SND1: variants seen among roughly 807,000 people sequenced by gnomAD.
SND1 encodes staphylococcal nuclease domain-containing protein 1.
A neutral mutation model predicts 121.7 loss-of-function variants in SND1; 38 were observed. That is an observed-to-expected ratio of 0.31 (90% CI 0.24 to 0.41). The LOEUF (loss-of-function observed/expected upper bound fraction) is 0.41, where lower values mean the gene tolerates loss of function less well. Ranked by LOEUF, SND1 falls within the 10% of genes least tolerant of loss-of-function variation. The probability of loss-of-function intolerance (pLI) is 1.00; values close to 1 mark genes in which losing one functional copy is unlikely to be tolerated. For synonymous variants in SND1, 401 were observed against 447.4 expected (o/e 0.90, Z 1.31); for missense variants, 868 against 1,184.6 (o/e 0.73, Z 3.92).
At position 127,698,898 on chromosome 7, in the gene SND1, G is replaced by C; in HGVS notation, c.373G>C (p.Glu125Gln). Residue 125 changes from glutamate (E) to glutamine (Q), a missense_variant, in exon 4 of 24, where the codon GAA (glutamate) becomes CAA (glutamine). Around this residue, in one of 2 missense-constraint regions of SND1, gnomAD observed 743 missense variants for 1,071.3 expected, o/e 0.69. Transcript: ENST00000354725. ...AGATACCAATGGGGAAAACATTGCA[G>C]AATCACTGGTTGCAGAGGGCTTAGC... ...GKDTNGENIA[E>Q]SLVAEGLATR... The C allele has an allele frequency of 6.2e-7, 1 of 1,613,736 alleles. No homozygotes were observed.
intron 16 of SND1, among the ~76,000 whole-genome samples, chr7:128,059,199 T>C (rs924957949): frequency 4.6e-5 from 7 of 152,192 alleles, no homozygotes; most frequent in Admixed American, 4.6e-4. Flanking sequence ...CGATCCTACC[T>C]GAAAGAGTTT....
intron 14 of SND1, among the ~76,000 whole-genome samples, chr7:127,908,043 G>A (rs1472076235): frequency 6.6e-6 from 1 of 152,124 alleles, no homozygotes; most frequent in Non-Finnish European, 1.5e-5. Context: ...TGTTATTACA[G>A]ATGGGTTTTG....
chr7:127,853,931 C>T (rs1799220662), intron 12 of SND1, among the ~76,000 whole-genome samples: 1 of 152,150 alleles, frequency 6.6e-6, no homozygotes, highest in Non-Finnish European at 1.5e-5. Flanking sequence ...GACCCTAAAG[C>T]CTACTCACTG....
rs73465826 is a variant in SND1 at position 127,860,918 on chromosome 7, G to C, written c.1343+16494G>C. ...AAAATTAAATATCCAAGAAGCCCTA[G>C]AGTTTATGGTGTTCTGTTTTGGGGG... On this transcript the variant is annotated intron_variant, in intron 12 of 23. Coordinates refer to ENST00000354725, the MANE Select transcript of SND1 (RefSeq NM_014390.4). Among the ~76,000 whole-genome samples, 475 of 152,292 alleles carry C rather than the reference G, an allele frequency of 3.1e-3. 1 individual carries two copies. The highest frequency in any genetic ancestry group is 0.01 in the African/African-American group (427 of 41,572).
intron 1 of SND1, among the ~76,000 whole-genome samples, chr7:127,665,984 A>G (rs1296438336): frequency 5.9e-5 from 9 of 152,132 alleles, no homozygotes; most frequent in East Asian, 1.9e-4. Flanking sequence ...GCCATGATCT[A>G]TTATTGTGTG....
chr7:127,942,527 C>A (rs956734471), intron 15 of SND1, among the ~76,000 whole-genome samples: 1 of 152,166 alleles, frequency 6.6e-6, no homozygotes, highest in Non-Finnish European at 1.5e-5. Context: ...TGGTTTCTAG[C>A]AGCAGGATGA....
intron 1 of SND1, among the ~76,000 whole-genome samples, chr7:127,666,585 GC>G (rs1214324080): frequency 6.6e-6 from 1 of 151,460 alleles, no homozygotes; most frequent in East Asian, 1.9e-4. Flanking sequence ...TGGAGAGAGT[GC>G]CCCCCTCAAA....
At chr7:127,864,780 C>G (rs1799438775) in intron 12 of SND1, among the ~76,000 whole-genome samples, 1 of 152,188 alleles carries the variant, frequency 6.6e-6, no homozygotes, top group Non-Finnish European at 1.5e-5. Context: ...TGCCCCTTTT[C>G]AGATGCATCT....
intron 15 of SND1, among the ~76,000 whole-genome samples, chr7:127,973,683 T>G (rs1165569828): frequency 6.6e-6 from 1 of 152,246 alleles, no homozygotes; most frequent in Non-Finnish European, 1.5e-5. Flanking sequence ...GCTCTACCTA[T>G]AGCTTTGTAC....
intron 15 of SND1, among the ~76,000 whole-genome samples, chr7:127,979,550 G>C (rs530696655): frequency 6.6e-6 from 1 of 152,204 alleles, no homozygotes; most frequent in Non-Finnish European, 1.5e-5. Flanking sequence ...TAAGAACAGA[G>C]CAGGTGACCA....
intron 15 of SND1, among the ~76,000 whole-genome samples, chr7:127,981,131 A>G (rs1387203193): frequency 3.3e-5 from 5 of 152,160 alleles, no homozygotes; most frequent in Non-Finnish European, 7.4e-5. Context: ...TGTTACATAA[A>G]AGCTTGAGCC....
At chr7:127,696,343 G>GAA (rs1796006544) in intron 3 of SND1, among the ~76,000 whole-genome samples, 2 of 152,078 alleles carry the variant, frequency 1.3e-5, no homozygotes, top group Non-Finnish European at 2.9e-5. Context: ...CCCAGAAAAC[G>GAA]GCTACCTGCT....
intron 15 of SND1, among the ~76,000 whole-genome samples, chr7:127,929,869 A>C (rs1447893636): frequency 1.3e-5 from 2 of 152,160 alleles, no homozygotes; most frequent in Non-Finnish European, 2.9e-5. Flanking sequence ...TTGTTGTGCT[A>C]AGGTTGACGT....
chr7:127,925,998 A>T (rs140086385), intron 14 of SND1, among the ~76,000 whole-genome samples: 1 of 151,716 alleles, frequency 6.6e-6, no homozygotes, highest in East Asian at 1.9e-4. Context: ...GCACATTGCT[A>T]CTTGCACTCT....
intron 16 of SND1, among the ~76,000 whole-genome samples, chr7:128,058,810 G>T (rs1235368486): frequency 1.3e-5 from 2 of 152,046 alleles, no homozygotes; most frequent in African/African-American, 4.8e-5. Flanking sequence ...TGTTGTTCAG[G>T]TTCCTCTCGT....
chr7:127,795,202 T>G (rs1797992853), intron 10 of SND1, among the ~76,000 whole-genome samples: 1 of 152,220 alleles, frequency 6.6e-6, no homozygotes, highest in South Asian at 2.1e-4. Context: ...TCAGCTCTAC[T>G]TGCTCATTTA....
At chr7:127,737,022 C>G (rs1359033579) in intron 10 of SND1, among the ~76,000 whole-genome samples, 1 of 152,050 alleles carries the variant, frequency 6.6e-6, no homozygotes, top group East Asian at 1.9e-4. Context: ...TAAATTGCCC[C>G]CTATTGTGAT....
At chr7:127,722,727 G>A (rs1464896348) in intron 10 of SND1, among the ~76,000 whole-genome samples, 1 of 152,106 alleles carries the variant, frequency 6.6e-6, no homozygotes, top group Non-Finnish European at 1.5e-5. Flanking sequence ...ATAAAAATAT[G>A]ATTGTCTTTT....
rs1801702389 is a variant in SND1 at position 127,960,336 on chromosome 7, C to G, written c.1670-30611C>G. On this transcript the variant is annotated intron_variant, in intron 15 of 23. Coordinates refer to ENST00000354725, the MANE Select transcript of SND1 (RefSeq NM_014390.4). ...TTTATTGGTCCTTCCTCACTAAATGCCATTAGCAGCACACCGTCCCACCCC... is the reference window on the plus strand; with the variant it reads ...TTTATTGGTCCTTCCTCACTAAATGGCATTAGCAGCACACCGTCCCACCCC... Among the ~76,000 whole-genome samples the G allele has an allele frequency of 1.3e-5, 2 of 152,166 alleles. 1 individual carries two copies. The highest frequency in any genetic ancestry group is 4.1e-4 in the South Asian group (2 of 4,828).
Sources: gnomAD v4.1 joint callset for allele counts (sites outside exome capture counted in the v4.1 genomes callset) on GRCh38, gnomAD v4.1.1 for gene constraint, gnomAD v4.1.1 regional missense constraint, MANE v1.5 for transcripts, NCBI Gene and HGNC (gene_info 2026-07-23, HGNC 2026-07-21) for gene names.